Variants in SGCZ observed in about 807,000 individuals in gnomAD.
SGCZ encodes the protein sarcoglycan zeta.
In SGCZ, 40 loss-of-function variants were observed where a neutral mutation model predicts 41.3. The ratio of observed to expected loss-of-function variants is 0.97; its 90% CI spans 0.75 to 1.26. SGCZ has a LOEUF of 1.26. Among genes scored for constraint, SGCZ ranks in the 50% most tolerant of loss-of-function variants. SGCZ has a pLI of 0.00. For missense variants in SGCZ, 552 were observed against 369.8 expected (o/e 1.49, Z -4.04); for synonymous variants, 206 against 137.5 (o/e 1.50, Z -3.49).
At chr8:14,515,537 T>C (rs768961107) in intron 2 of SGCZ, among the ~76,000 whole-genome samples, 5 of 152,000 alleles carry the variant, frequency 3.3e-5, no homozygotes, top group African/African-American at 4.8e-5. Context: ...TCACAATATC[T>C]ATTTGAATAG....
At chr8:14,499,919 G>C (rs540016453) in intron 2 of SGCZ, among the ~76,000 whole-genome samples, 2 of 151,840 alleles carry the variant, frequency 1.3e-5, no homozygotes, top group Non-Finnish European at 2.9e-5. Context: ...ATTTTTTCTA[G>C]ATCCTCAAAT....
chr8:14,317,072 A>G lies in SGCZ; in HGVS notation c.336+7031T>C, dbSNP rs58405372. Among the ~76,000 whole-genome samples the G allele has an allele frequency of 1.1e-3, 166 of 152,174 alleles. 1 individual carries two copies. Among genetic ancestry groups the G allele is most frequent in the African/African-American group, 3.9e-3 (162 of 41,534 alleles). ...TTAACATCCCATATGCAAATTTGCC[A>G]TCAAATCCTTTGATTCTACTTTTGA... On this transcript the variant is annotated intron_variant, in intron 3 of 7. Coordinates refer to ENST00000382080, the MANE Select transcript of SGCZ (RefSeq NM_139167.4).
At chr8:14,247,092 T>A (rs77567251) in intron 3 of SGCZ, among the ~76,000 whole-genome samples, 4 of 152,158 alleles carry the variant, frequency 2.6e-5, no homozygotes, top group Admixed American at 2.0e-4. Flanking sequence ...AACTTGAATG[T>A]GAAGTAATGC....
At chr8:15,065,152 A>C in intron 1 of SGCZ, among the ~76,000 whole-genome samples, 1 of 152,040 alleles carries the variant, frequency 6.6e-6, no homozygotes. Flanking sequence ...ACAAGACGGA[A>C]CTGCTTACTC....
intron 1 of SGCZ, among the ~76,000 whole-genome samples, chr8:14,583,157 C>T (rs1341339661): frequency 6.6e-6 from 1 of 150,604 alleles, no homozygotes; most frequent in Admixed American, 6.6e-5. Context: ...TCTCCACATC[C>T]TCTCCAGCAC....
At chr8:14,585,350 G>A (rs1306502427) in intron 1 of SGCZ, among the ~76,000 whole-genome samples, 1 of 152,060 alleles carries the variant, frequency 6.6e-6, no homozygotes, top group African/African-American at 2.4e-5. Flanking sequence ...TTTGGATGAA[G>A]AAAATTTCAT....
chr8:14,254,464 A>G (rs1417158424), intron 3 of SGCZ, among the ~76,000 whole-genome samples: 1 of 152,210 alleles, frequency 6.6e-6, no homozygotes, highest in Non-Finnish European at 1.5e-5. Flanking sequence ...TTAGGGATAT[A>G]GTCAGATGTT....
intron 2 of SGCZ, among the ~76,000 whole-genome samples, chr8:14,430,804 T>A (rs956063262): frequency 8.5e-5 from 13 of 152,184 alleles, no homozygotes; most frequent in African/African-American, 2.7e-4. Flanking sequence ...CCCCAAAGAC[T>A]CCTCCGTAAA....
chr8:15,236,965 C>A (rs886216310), intron 1 of SGCZ, among the ~76,000 whole-genome samples: 8 of 152,214 alleles, frequency 5.3e-5, no homozygotes, highest in Non-Finnish European at 1.2e-4. Context: ...GGCAGGCTAG[C>A]CGTCCCCGGC....
intron 2 of SGCZ, among the ~76,000 whole-genome samples, chr8:14,501,046 A>G (rs1354795464): frequency 3.9e-5 from 6 of 152,056 alleles, no homozygotes; most frequent in African/African-American, 1.2e-4. Flanking sequence ...AGGGATCCTC[A>G]ATGGGTCAAA....
intron 2 of SGCZ, among the ~76,000 whole-genome samples, chr8:14,457,327 G>A (rs920408506): frequency 5.9e-5 from 9 of 152,208 alleles, no homozygotes; most frequent in South Asian, 4.1e-4. Flanking sequence ...TTGGTCTAGC[G>A]GTGACGCCAG....
chr8:14,760,570 T>G (rs1184060951), intron 1 of SGCZ, among the ~76,000 whole-genome samples: 1 of 152,236 alleles, frequency 6.6e-6, no homozygotes, highest in Admixed American at 6.5e-5. Context: ...AACCCTCATT[T>G]AACTTTTGCA....
intron 1 of SGCZ, among the ~76,000 whole-genome samples, chr8:14,718,258 G>A (rs372835420): frequency 9.1e-4 from 138 of 151,486 alleles, no homozygotes; most frequent in South Asian, 4.2e-4. Context: ...TTAATTTTTC[G>A]TCAGGTAATT....
chr8:14,222,955 G>A (rs67397260), intron 4 of SGCZ, among the ~76,000 whole-genome samples: 36,101 of 151,184 alleles, frequency 0.24, 5,533 homozygotes, highest in Non-Finnish European at 0.34. Flanking sequence ...AAGATTACAG[G>A]CACGTACCAC....
intron 2 of SGCZ, among the ~76,000 whole-genome samples, chr8:14,492,300 G>C (rs1158729362): frequency 2.0e-5 from 3 of 152,108 alleles, no homozygotes; most frequent in East Asian, 3.9e-4. Flanking sequence ...GTAAGGATTG[G>C]TATAAGCTGA....
intron 3 of SGCZ, among the ~76,000 whole-genome samples, chr8:14,298,273 A>G (rs1801080761): frequency 6.6e-6 from 1 of 152,040 alleles, no homozygotes; most frequent in African/African-American, 2.4e-5. Context: ...AGAAAAGACT[A>G]AAATTTCCTT....
At chr8:14,719,872 G>A (rs1416062222) in intron 1 of SGCZ, among the ~76,000 whole-genome samples, 3 of 151,962 alleles carry the variant, frequency 2.0e-5, no homozygotes, top group Non-Finnish European at 4.4e-5. Context: ...GATCCCATTT[G>A]TCAATTTTGG....
At chr8:14,123,796 T>C (rs1802771463) in intron 5 of SGCZ, among the ~76,000 whole-genome samples, 1 of 152,140 alleles carries the variant, frequency 6.6e-6, no homozygotes, top group African/African-American at 2.4e-5. Context: ...TATGTCACAG[T>C]TAACAGGCAA....
At chr8:14,151,291 T>C (rs1803701295) in intron 5 of SGCZ, among the ~76,000 whole-genome samples, 1 of 152,060 alleles carries the variant, frequency 6.6e-6, no homozygotes, top group African/African-American at 2.4e-5. Flanking sequence ...CCCATAAATA[T>C]ATATGCATAC....
Sources: allele counts gnomAD v4.1 joint callset (sites outside exome capture counted in the v4.1 genomes callset), GRCh38; gene constraint gnomAD v4.1.1; transcripts MANE v1.5; gene names NCBI Gene and HGNC (gene_info 2026-07-23, HGNC 2026-07-21).